KCNMA1: variants seen among roughly 807,000 people sequenced by gnomAD.
KCNMA1 encodes Calcium-activated potassium channel subunit alpha-1.
A neutral mutation model predicts 140.0 loss-of-function variants in KCNMA1; 29 were observed. That is an observed-to-expected ratio of 0.21 (90% confidence interval 0.15 to 0.28). KCNMA1 has a LOEUF of 0.28. Ranked by LOEUF, KCNMA1 falls within the 10% of genes least tolerant of loss-of-function variation. The pLI, the probability that KCNMA1 is intolerant of heterozygous loss-of-function variation, is 1.00. For synonymous variants in KCNMA1, 612 were observed against 611.9 expected (o/e 1.00, Z 0.00); for missense variants, 880 against 1,602.2 (o/e 0.55, Z 7.70).
In KCNMA1 at chr10:77,165,450, G is replaced by T. The variant is rs552571724; in HGVS notation, c.808+17971C>A. On this transcript the variant is annotated intron_variant, in intron 5 of 27. Transcript: ENST00000286628. ...ATTTTTTGAAGCTGACAGCTTGATA[G>T]GCAAAAAGTAAAGTGACAGATCATT... Among the ~76,000 whole-genome samples, 9 of 152,186 alleles carry T rather than the reference G, an allele frequency of 5.9e-5. No individual in the cohort carries two copies. The East Asian group carries it at 1.7e-3, about 29-fold the overall frequency.
chr10:77,374,148 C>T (rs1273132408), intron 2 of KCNMA1, among the ~76,000 whole-genome samples: 1 of 152,150 alleles, frequency 6.6e-6, no homozygotes, highest in Non-Finnish European at 1.5e-5. Flanking sequence ...AAACCCTTCC[C>T]CAGGTGCCCT....
chr10:77,096,181 C>G (rs1311006288), intron 9 of KCNMA1, among the ~76,000 whole-genome samples: 3 of 152,166 alleles, frequency 2.0e-5, no homozygotes, highest in Non-Finnish European at 4.4e-5. Flanking sequence ...AGTTTCATGC[C>G]TTCTGATGAA....
intron 22 of KCNMA1, among the ~76,000 whole-genome samples, chr10:76,945,595 AG>A (rs2063713889): frequency 1.3e-5 from 2 of 152,220 alleles, no homozygotes; most frequent in Non-Finnish European, 2.9e-5. Context: ...ATTTTCAGCA[AG>A]AAAAAAATAC....
chr10:77,151,487 G>A (rs115644363), intron 5 of KCNMA1, among the ~76,000 whole-genome samples: 6,972 of 151,982 alleles, frequency 0.046, 265 homozygotes, highest in African/African-American at 0.1. Flanking sequence ...TTGCCCTTCT[G>A]AAGTGCTGGG....
At chr10:77,174,134 G>C (rs1312366440) in intron 5 of KCNMA1, among the ~76,000 whole-genome samples, 2 of 152,156 alleles carry the variant, frequency 1.3e-5, no homozygotes, top group Non-Finnish European at 2.9e-5. Flanking sequence ...GTGTGTCCTG[G>C]AGCTGGAGCA....
intron 25 of KCNMA1, among the ~76,000 whole-genome samples, chr10:76,907,589 A>G (rs907583730): frequency 6.6e-5 from 10 of 152,006 alleles, no homozygotes; most frequent in Admixed American, 6.6e-4. Context: ...CCCAGGCTGG[A>G]GTGCAGTGGC....
chr10:76,893,816 A>T (rs141741641), intron 25 of KCNMA1, among the ~76,000 whole-genome samples: 1 of 152,324 alleles, frequency 6.6e-6, no homozygotes, highest in African/African-American at 2.4e-5. Flanking sequence ...AAACTACAAA[A>T]TATTACTGAA....
rs552916252 is a variant in KCNMA1 at position 77,098,263 on chromosome 10, T to C, written c.1224-7753A>G. Reference sequence around the variant, plus strand: ...CCTGTCCTGCATACACCCTCTCTTCTGTGGACAGCACCTCATTTTAATTTG... The same window carrying C: ...CCTGTCCTGCATACACCCTCTCTTCCGTGGACAGCACCTCATTTTAATTTG... On this transcript the variant is annotated intron_variant, in intron 9 of 27. Transcript: ENST00000286628. Among the ~76,000 whole-genome samples the C allele has an allele frequency of 2.6e-5, 4 of 152,314 alleles. No individual in the cohort carries two copies. In the South Asian group the frequency reaches 8.3e-4, roughly 32 times the overall value.
At chr10:77,313,821 C>A (rs2080018504) in intron 2 of KCNMA1, 1 of 152,122 alleles carries the variant, frequency 6.6e-6, no homozygotes, top group Admixed American at 6.5e-5. Flanking sequence ...TATCTGTGAG[C>A]CTGCTGTGCA....
At chr10:77,294,855 G>T (rs576168807) in intron 2 of KCNMA1, among the ~76,000 whole-genome samples, 2 of 152,092 alleles carry the variant, frequency 1.3e-5, no homozygotes, top group Non-Finnish European at 2.9e-5. Flanking sequence ...GGAGGTGGAG[G>T]TTGCAGTCAG....
At chr10:77,347,586 G>T (rs1297027733) in intron 2 of KCNMA1, among the ~76,000 whole-genome samples, 2 of 152,126 alleles carry the variant, frequency 1.3e-5, no homozygotes. Context: ...TGTGACCAGG[G>T]GCCTCTTTAC....
intron 1 of KCNMA1, among the ~76,000 whole-genome samples, chr10:77,516,122 G>C (rs1329474175): frequency 6.6e-6 from 1 of 152,130 alleles, no homozygotes; most frequent in African/African-American, 2.4e-5. Flanking sequence ...AGGGGCTTCA[G>C]AGGATCACAG....
At chr10:77,438,079 T>C (rs1156260482) in intron 1 of KCNMA1, among the ~76,000 whole-genome samples, 15 of 152,124 alleles carry the variant, frequency 9.9e-5, no homozygotes, top group African/African-American at 3.6e-4. Context: ...TTTTTGTTTT[T>C]AGAGATGGGA....
intron 1 of KCNMA1, among the ~76,000 whole-genome samples, chr10:77,512,222 A>G (rs1307441882): frequency 2.0e-5 from 3 of 152,182 alleles, no homozygotes; most frequent in Non-Finnish European, 2.9e-5. Context: ...TATCTGCTTT[A>G]TCTCTTGCTT....
At chr10:77,431,202 G>A (rs1350142405) in intron 1 of KCNMA1, among the ~76,000 whole-genome samples, 1 of 152,208 alleles carries the variant, frequency 6.6e-6, no homozygotes, top group African/African-American at 2.4e-5. Flanking sequence ...AAAACATGCA[G>A]TGACTGGTCA....
chr10:77,064,883 A>C (rs1380066713), intron 14 of KCNMA1, among the ~76,000 whole-genome samples: 3 of 152,234 alleles, frequency 2.0e-5, no homozygotes, highest in Non-Finnish European at 4.4e-5. Flanking sequence ...TTTATAACCA[A>C]ATCTAACCAG....
chr10:77,348,462 A>C (rs1190355304), intron 2 of KCNMA1, among the ~76,000 whole-genome samples: 1 of 152,152 alleles, frequency 6.6e-6, no homozygotes, highest in Non-Finnish European at 1.5e-5. Context: ...ATGCTGAATG[A>C]AGGCCCACAG....
intron 1 of KCNMA1, among the ~76,000 whole-genome samples, chr10:77,511,773 G>T (rs1176887191): frequency 1.3e-5 from 2 of 152,168 alleles, no homozygotes; most frequent in Non-Finnish European, 2.9e-5. Context: ...TGTCATGGGC[G>T]AATGCAGGCT....
chr10:77,184,431 G>A (rs970436521), intron 4 of KCNMA1, among the ~76,000 whole-genome samples: 4 of 152,146 alleles, frequency 2.6e-5, no homozygotes, highest in African/African-American at 9.7e-5. Context: ...GGTTGGTCAG[G>A]CTGGTCTCGA....
Sources: allele counts gnomAD v4.1 joint callset (sites outside exome capture counted in the v4.1 genomes callset), GRCh38; gene constraint gnomAD v4.1.1; transcripts MANE v1.5; gene names NCBI Gene and HGNC (gene_info 2026-07-23, HGNC 2026-07-21).